COL10A1: variants seen among roughly 807,000 people sequenced by gnomAD.
The protein encoded by COL10A1 is collagen type X alpha 1 chain, also known as collagen alpha-1(X) chain.
A neutral mutation model predicts 18.2 loss-of-function variants in COL10A1; 10 were observed. The observed-to-expected ratio is 0.55, with a 90% CI of 0.34 to 0.93. COL10A1 has a LOEUF of 0.93. Ranked by LOEUF, COL10A1 falls within the 40% of genes least tolerant of loss-of-function variation. The probability of loss-of-function intolerance (pLI) is 0.02; values close to 1 mark genes in which losing one functional copy is unlikely to be tolerated. For synonymous variants in COL10A1, 330 were observed against 316.6 expected, an observed-to-expected ratio of 1.04 and a Z score of -0.45; for missense variants, 897 against 853.5, an observed-to-expected ratio of 1.05 and a Z score of -0.64.
chr6:116,195,046 A>G, the COL10A1 span, among the ~76,000 whole-genome samples: 1 of 152,024 alleles, frequency 6.6e-6, no homozygotes, highest in Non-Finnish European at 1.5e-5. Context: ...CTCTCTCTAT[A>G]TTCTGCTTTG....
chr6:116,147,880 G>T (rs1016904095), intron 1 of COL10A1, among the ~76,000 whole-genome samples: 1 of 151,998 alleles, frequency 6.6e-6, no homozygotes, highest in Non-Finnish European at 1.5e-5. Context: ...CATTAAAAAG[G>T]TGGAGGCAGG....
the COL10A1 span, among the ~76,000 whole-genome samples, chr6:116,172,415 G>C: frequency 2.1e-5 from 3 of 144,490 alleles, no homozygotes; most frequent in African/African-American, 7.7e-5. Context: ...TCTACCTCCC[G>C]GGTTCAGGCA....
chr6:116,136,780 C>T (rs936022631), intron 1 of COL10A1, among the ~76,000 whole-genome samples: 1 of 152,256 alleles, frequency 6.6e-6, no homozygotes, highest in Admixed American at 6.5e-5. Context: ...TTAGTTCCAA[C>T]GGTTTGGAAT....
the COL10A1 span, among the ~76,000 whole-genome samples, chr6:116,216,851 C>G: frequency 1.9e-3 from 289 of 152,300 alleles, 1 homozygote; most frequent in Middle Eastern, 0.014. Context: ...ACAGCAAGTA[C>G]ATTTAAACAG....
chr6:116,158,681 T>C (rs2114420032), exon 1 of COL10A1: 1 of 152,362 alleles, frequency 6.6e-6, no homozygotes, highest in African/African-American at 2.4e-5. Context: ...TACTTTGTCA[T>C]CCTGGTGTGT....
the COL10A1 span, among the ~76,000 whole-genome samples, chr6:116,210,746 A>G: frequency 1.0e-5 from 1 of 100,338 alleles, no homozygotes; most frequent in African/African-American, 2.7e-5. Context: ...AAATGTTTTA[A>G]AATAAATGTT....
the COL10A1 span, among the ~76,000 whole-genome samples, chr6:116,167,436 TCTC>T: frequency 6.6e-6 from 1 of 152,028 alleles, no homozygotes; most frequent in Non-Finnish European, 1.5e-5. Context: ...ATGGTCTCAA[TCTC>T]CTGGCCTTGT....
upstream of COL10A1, among the ~76,000 whole-genome samples, chr6:116,127,305 G>A (rs145357091): frequency 2.0e-5 from 3 of 152,076 alleles, no homozygotes; most frequent in Non-Finnish European, 4.4e-5. Flanking sequence ...ACAAAGCCTT[G>A]TATAGCCCTT....
rs558124728 is a variant in COL10A1, at chr6:116,134,266, T to A, written c.-15-8759A>T. 3.4e-3 allele frequency among the ~76,000 whole-genome samples: 521 copies of A among 152,292 alleles called. 3 individuals carry two copies. The highest frequency in any genetic ancestry group is 0.012 in the African/African-American group (484 of 41,562). ...GTATACCAGTTGCCAGGTTGGGTTC[T>A]AGGAATCTGGAGCAGGAGCTACTTC... is the stretch of plus-strand genomic sequence containing the variant. On this transcript the variant is annotated intron_variant, in intron 1 of 1. Coordinates refer to the COL10A1 transcript ENST00000418500.
In COL10A1 at chr6:116,121,497, G is replaced by T. The variant is rs907207713; in HGVS notation, c.619C>A (p.Pro207Thr). ...CCAGATGGTCCTGTGGGACCCTGAG[G>T]GCCTGGAAGACCCCTCTCACCTGGA... is the stretch of plus-strand genomic sequence containing the variant. ...GRPGERGLPG[P>T]QGPTGPSGPP... Residue 207 changes from proline (P) to threonine (T), a missense_variant, in exon 3 of 3, where the codon CCT becomes ACT. By Grantham distance (38) the Pro-to-Thr change is conservative. Coordinates refer to ENST00000651968, the MANE Select transcript of COL10A1 (RefSeq NM_000493.4). 2.5e-6 allele frequency: 4 copies of T among 1,614,088 alleles called. No homozygotes were observed. The highest frequency in any genetic ancestry group is 3.3e-5 in the Admixed American group (2 of 60,010).
intron 1 of COL10A1, chr6:116,125,715 T>G: frequency 2.5e-6 from 1 of 398,726 alleles, no homozygotes; most frequent in Non-Finnish European, 4.5e-6. Context: ...ACTCAGGTAA[T>G]CAAGTGAAAA....
chr6:116,142,974 T>C (rs971774073), intron 1 of COL10A1, among the ~76,000 whole-genome samples: 3 of 152,198 alleles, frequency 2.0e-5, no homozygotes, highest in Non-Finnish European at 4.4e-5. Flanking sequence ...GTGGGAAAAT[T>C]TGATGGATAA....
intron 1 of COL10A1, chr6:116,145,447 TG>T: frequency 5.2e-6 from 2 of 387,720 alleles, no homozygotes; most frequent in South Asian, 2.0e-5. Flanking sequence ...GTAAGAAGAT[TG>T]GCCACATCCT....
At chr6:116,208,450 C>A in the COL10A1 span, among the ~76,000 whole-genome samples, 1 of 152,000 alleles carries the variant, frequency 6.6e-6, no homozygotes, top group Non-Finnish European at 1.5e-5. Flanking sequence ...TAAAACCTGT[C>A]CCAGGTTTTA....
At chr6:116,202,285 T>A in the COL10A1 span, among the ~76,000 whole-genome samples, 1 of 152,002 alleles carries the variant, frequency 6.6e-6, no homozygotes, top group East Asian at 1.9e-4. Context: ...TTTTTTCTTA[T>A]GCTTAGCATG....
the COL10A1 span, among the ~76,000 whole-genome samples, chr6:116,198,310 A>G: frequency 6.6e-6 from 1 of 152,082 alleles, no homozygotes; most frequent in African/African-American, 2.4e-5. Flanking sequence ...TGTGGCCAGT[A>G]AATGATGGCT....
At chr6:116,157,283 T>C (rs1048053742) in intron 1 of COL10A1, among the ~76,000 whole-genome samples, 1 of 152,174 alleles carries the variant, frequency 6.6e-6, no homozygotes, top group African/African-American at 2.4e-5. Context: ...TCTGTAAAAA[T>C]GTCAGATTGT....
chr6:116,128,970 A>C (rs1247210675), upstream of COL10A1, among the ~76,000 whole-genome samples: 1 of 152,278 alleles, frequency 6.6e-6, no homozygotes, highest in East Asian at 1.9e-4. Context: ...AGTTACAATA[A>C]ATGCCTATAT....
Position 116,145,099 on chromosome 6 carries a change from A to G in COL10A1, c.-16+13515T>C, listed in dbSNP as rs1391145617. Reference sequence around the variant, plus strand: ...ATATATCAGCAAAGTTATAGGACATAAGAACTTCTGGTTTCTGTCTTGAAG... The same window carrying G: ...ATATATCAGCAAAGTTATAGGACATGAGAACTTCTGGTTTCTGTCTTGAAG... On this transcript the variant is annotated intron_variant, in intron 1 of 1. Coordinates refer to the COL10A1 transcript ENST00000418500. Among the ~76,000 whole-genome samples, 3 of 152,180 alleles carry G rather than the reference A, an allele frequency of 2.0e-5. 1 individual carries two copies. Among genetic ancestry groups the G allele is most frequent in the African/African-American group, 4.8e-5 (2 of 41,412 alleles).
Sources: gnomAD v4.1 joint callset for allele counts (sites outside exome capture counted in the v4.1 genomes callset) on GRCh38, gnomAD v4.1.1 for gene constraint, MANE v1.5 for transcripts, NCBI Gene and HGNC (gene_info 2026-07-23, HGNC 2026-07-21) for gene names.